The following GPM6A variants were observed in gnomAD, a reference collection of about 807,000 sequenced individuals.
GPM6A encodes the protein neuronal membrane glycoprotein M6-a.
In GPM6A, 7 loss-of-function variants were observed where a neutral mutation model predicts 32.1. The ratio of observed to expected loss-of-function variants is 0.22; its 90% CI spans 0.12 to 0.41. The LOEUF (loss-of-function observed/expected upper bound fraction) is 0.41. GPM6A is among the 10% of genes least tolerant of loss of function. The pLI is 1.00. For missense variants in GPM6A, 235 were observed against 347.2 expected (o/e 0.68, Z 2.57); for synonymous variants, 130 against 123.4 (o/e 1.05, Z -0.35).
chr4:175,665,077 C>T (rs183520416), intron 3 of GPM6A, among the ~76,000 whole-genome samples: 2 of 152,242 alleles, frequency 1.3e-5, no homozygotes, highest in Non-Finnish European at 2.9e-5. Context: ...ACAGGACCAC[C>T]CTCTGACACG....
chr4:175,702,059 A>G (rs1355364201), intron 1 of GPM6A, among the ~76,000 whole-genome samples: 1 of 152,202 alleles, frequency 6.6e-6, no homozygotes, highest in Admixed American at 6.5e-5. Context: ...AATCTTCACC[A>G]TACATGCATG....
intron 3 of GPM6A, among the ~76,000 whole-genome samples, chr4:175,658,453 AT>A (rs535370318): frequency 4.6e-5 from 7 of 152,244 alleles, no homozygotes; most frequent in African/African-American, 1.7e-4. Flanking sequence ...AGCACAGAGG[AT>A]TTGTAGAACC....
chr4:175,980,419 T>C (rs955708209), intron 1 of GPM6A, among the ~76,000 whole-genome samples: 2 of 152,186 alleles, frequency 1.3e-5, no homozygotes, highest in African/African-American at 4.8e-5. Context: ...ATTTTTAAAG[T>C]TGTTTTGAAT....
At chr4:175,875,450 T>C (rs1737052402) in intron 1 of GPM6A, among the ~76,000 whole-genome samples, 2 of 152,278 alleles carry the variant, frequency 1.3e-5, no homozygotes, top group South Asian at 4.1e-4. Flanking sequence ...ATGGGATAAT[T>C]AGAGTCAATT....
At chr4:175,690,888 C>T (rs978865172) in intron 2 of GPM6A, among the ~76,000 whole-genome samples, 3 of 152,190 alleles carry the variant, frequency 2.0e-5, no homozygotes, top group African/African-American at 7.2e-5. Flanking sequence ...AAGTTGAATG[C>T]TAATTCCTTG....
chr4:175,962,145 G>T, intron 1 of GPM6A: 1 of 819,738 alleles, frequency 1.2e-6, no homozygotes, highest in Non-Finnish European at 2.2e-6. Flanking sequence ...AATGTTACAG[G>T]ACATCAAGCA....
intron 2 of GPM6A, among the ~76,000 whole-genome samples, chr4:175,675,098 A>C (rs767264006): frequency 2.0e-5 from 3 of 152,118 alleles, no homozygotes; most frequent in Non-Finnish European, 4.4e-5. Context: ...TTTATGAATG[A>C]AGATCATTTG....
chr4:175,902,401 A>G (rs1737996049), intron 1 of GPM6A, among the ~76,000 whole-genome samples: 1 of 152,184 alleles, frequency 6.6e-6, no homozygotes, highest in African/African-American at 2.4e-5. Context: ...CTGCAGACAT[A>G]AATAAGCAAG....
chr4:175,694,274 G>A (rs1276186241), intron 2 of GPM6A, among the ~76,000 whole-genome samples: 1 of 152,226 alleles, frequency 6.6e-6, no homozygotes, highest in Non-Finnish European at 1.5e-5. Flanking sequence ...TTGGAACTGG[G>A]TAGTAGGCAG....
At chr4:175,649,059 G>T (rs1741633448) in intron 4 of GPM6A, among the ~76,000 whole-genome samples, 2 of 152,158 alleles carry the variant, frequency 1.3e-5, no homozygotes, top group African/African-American at 4.8e-5. Flanking sequence ...TATTGGAAAA[G>T]CTGTCGAGTA....
intron 1 of GPM6A, among the ~76,000 whole-genome samples, chr4:175,737,320 A>C (rs568241774): frequency 6.6e-6 from 1 of 151,710 alleles, no homozygotes; most frequent in African/African-American, 2.4e-5. Context: ...CTGCACGCCT[A>C]TAATCCTGCA....
intron 1 of GPM6A, among the ~76,000 whole-genome samples, chr4:175,803,057 T>C (rs576188320): frequency 1.3e-5 from 2 of 152,230 alleles, no homozygotes; most frequent in African/African-American, 4.8e-5. Flanking sequence ...GGAAAAATTG[T>C]GTTTTATTCT....
intron 1 of GPM6A, among the ~76,000 whole-genome samples, chr4:175,875,604 C>T (rs73871241): frequency 0.01 from 1,586 of 152,166 alleles, 24 homozygotes; most frequent in African/African-American, 0.036. Flanking sequence ...TGATACTTTC[C>T]AAAAGTTGGA....
chr4:175,683,359 G>C (rs950062894), intron 2 of GPM6A, among the ~76,000 whole-genome samples: 3 of 152,152 alleles, frequency 2.0e-5, no homozygotes, highest in Admixed American at 6.5e-5. Context: ...CTCACAAGTA[G>C]AAGGGGTTTG....
At chr4:175,771,551 CA>C (rs889739577) in intron 1 of GPM6A, among the ~76,000 whole-genome samples, 4,309 of 66,586 alleles carry the variant, frequency 0.065, 103 homozygotes, top group African/African-American at 0.19. Flanking sequence ...GACTCTGTCT[CA>C]AAAAAAAAAA....
rs1460909692 is a variant in GPM6A at position 175,962,121 on chromosome 4, C to T, written c.-23+40188G>A. On this transcript the variant is annotated intron_variant, in intron 1 of 7. Coordinates refer to the GPM6A transcript ENST00000280187. ...AATAGTAGCCCATGCTGTGCACCAT[C>T]CGGACCCAGTGACAATGTTACAGGA... is the stretch of plus-strand genomic sequence containing the variant. 3.9e-6 allele frequency: 3 copies of T among 769,660 alleles called. No homozygotes were observed. In the African/African-American group the frequency reaches 5.1e-5, roughly 13 times the overall value. The allele number at this position is 769,660 out of a possible 1,614,324, so 47.7% of individuals were successfully genotyped here.
At chr4:175,731,265 AGG>A (rs1731418453) in intron 1 of GPM6A, among the ~76,000 whole-genome samples, 2 of 152,072 alleles carry the variant, frequency 1.3e-5, no homozygotes, top group African/African-American at 4.8e-5. Context: ...GGAATCCTTG[AGG>A]TCCTCCCTGA....
chr4:175,746,620 C>G (rs1732115106), intron 1 of GPM6A, among the ~76,000 whole-genome samples: 1 of 152,078 alleles, frequency 6.6e-6, no homozygotes, highest in East Asian at 1.9e-4. Flanking sequence ...ATCCAAATAT[C>G]TCTACCCTTT....
At chr4:175,941,456 G>T (rs892803924) in intron 1 of GPM6A, among the ~76,000 whole-genome samples, 45 of 152,068 alleles carry the variant, frequency 3.0e-4, no homozygotes, top group African/African-American at 9.6e-4. Context: ...TTGTCACATA[G>T]GTATACACAT....
Sources: gnomAD v4.1 joint callset for allele counts (sites outside exome capture counted in the v4.1 genomes callset) on GRCh38, gnomAD v4.1.1 for gene constraint, MANE v1.5 for transcripts, NCBI Gene and HGNC (gene_info 2026-07-23, HGNC 2026-07-21) for gene names.